Variants in TBC1D22A observed in about 807,000 individuals in gnomAD.
The protein encoded by TBC1D22A is putative GTPase activator.
In TBC1D22A, 38 loss-of-function variants were observed where a neutral mutation model predicts 60.2. The observed-to-expected ratio is 0.63, with a 90% CI of 0.49 to 0.83. The LOEUF (loss-of-function observed/expected upper bound fraction) is 0.83, where lower values mean the gene tolerates loss of function less well. Among genes scored for constraint, TBC1D22A ranks in the 40% least tolerant of loss-of-function variants. The pLI is 0.00. For synonymous variants in TBC1D22A, 302 were observed against 281.7 expected (o/e 1.07, Z -0.72); for missense variants, 628 against 701.0 (o/e 0.90, Z 1.18).
intron 4 of TBC1D22A, among the ~76,000 whole-genome samples, chr22:46,876,638 G>A (rs1284590734): frequency 6.6e-6 from 1 of 152,176 alleles, no homozygotes; most frequent in African/African-American, 2.4e-5. Flanking sequence ...AACTTCCCAA[G>A]AGCCGGGTGG....
At chr22:46,860,987 T>C (rs1661653555) in intron 4 of TBC1D22A, among the ~76,000 whole-genome samples, 1 of 152,182 alleles carries the variant, frequency 6.6e-6, no homozygotes, top group Non-Finnish European at 1.5e-5. Context: ...AAATTAATTT[T>C]TTTTTAAGGC....
chr22:46,777,657 A>G lies in TBC1D22A; in HGVS notation c.62+14809A>G, dbSNP rs767758352. 2.0e-5 allele frequency among the ~76,000 whole-genome samples: 3 copies of G among 152,146 alleles called. No individual in the cohort carries two copies. Among genetic ancestry groups the G allele is most frequent in the Non-Finnish European group, 2.9e-5 (2 of 68,020 alleles). On this transcript the variant is annotated intron_variant, in intron 1 of 12. Coordinates refer to ENST00000337137, the MANE Select transcript of TBC1D22A (RefSeq NM_014346.5). The surrounding 1 kb of genome is among the most constrained non-coding windows in gnomAD (Gnocchi z 4.5). ...CTGGCAGGAGGCAGAGGAGGGAGCA[A>G]GAAGAAAGAGCTCAGTGTGATGAGT...
At chr22:47,020,596 A>C (rs1188073011) in intron 10 of TBC1D22A, among the ~76,000 whole-genome samples, 2 of 151,910 alleles carry the variant, frequency 1.3e-5, no homozygotes, top group African/African-American at 4.9e-5. Flanking sequence ...CTGGGTTTCC[A>C]AGCTGGAGTT....
At chr22:46,829,951 A>G (rs2086238215) in intron 4 of TBC1D22A, among the ~76,000 whole-genome samples, 1 of 152,256 alleles carries the variant, frequency 6.6e-6, no homozygotes, top group South Asian at 2.1e-4. Context: ...ACTAGGCACC[A>G]TGAAAGGAGC....
chr22:47,165,712 G>T (rs953482839), intron 12 of TBC1D22A, among the ~76,000 whole-genome samples: 3 of 152,120 alleles, frequency 2.0e-5, no homozygotes, highest in African/African-American at 7.2e-5. Context: ...GGGGTCAAGA[G>T]AAATGCCCGA....
Position 47,049,772 on chromosome 22 carries a change from T to A in TBC1D22A, c.1329+12574T>A, listed in dbSNP as rs542847698. On this transcript the variant is annotated intron_variant, in intron 11 of 12. Transcript: ENST00000337137. ...CTTAATATTCTGGCCTGTGGATAGA[T>A]CATAGTCTACTTAAATGTGGTGCGT... is the stretch of plus-strand genomic sequence containing the variant. Among the ~76,000 whole-genome samples, 5 of 152,360 alleles carry A rather than the reference T, an allele frequency of 3.3e-5. No individual in the cohort carries two copies. In the South Asian group the frequency reaches 8.3e-4, roughly 25 times the overall value.
In TBC1D22A at chr22:47,173,454, C is replaced by T. The variant is rs113672746; in HGVS notation, c.1426-44C>T. 1,484 of 1,604,278 alleles carry T rather than the reference C, an allele frequency of 9.3e-4. 13 individuals are homozygous for T. The African/African-American group carries it at 0.017, about 19-fold the overall frequency. Reference sequence around the variant, plus strand: ...TTTTCTGGGGTCACCCGCCCTCCACCGTGGGTCACCTCCTCTGACCTGGGC... The same window carrying T: ...TTTTCTGGGGTCACCCGCCCTCCACTGTGGGTCACCTCCTCTGACCTGGGC... On this transcript the variant is annotated intron_variant, in intron 12 of 12. Transcript: ENST00000337137.
intron 10 of TBC1D22A, among the ~76,000 whole-genome samples, chr22:47,010,941 T>G (rs1218721942): frequency 6.6e-6 from 1 of 152,216 alleles, no homozygotes; most frequent in Non-Finnish European, 1.5e-5. Context: ...GGCCTTGGGC[T>G]GCTGCGGGGA....
chr22:46,915,326 G>T (rs1452184167), intron 8 of TBC1D22A: 1 of 445,480 alleles, frequency 2.2e-6, no homozygotes, highest in South Asian at 1.6e-5. Flanking sequence ...AGTTTGCTGG[G>T]TCTTCAAGCC....
chr22:47,132,518 GC>G (rs5845773), intron 12 of TBC1D22A, among the ~76,000 whole-genome samples: 60,554 of 151,950 alleles, frequency 0.4, 12,333 homozygotes, highest in South Asian at 0.54. Context: ...GCACCGCCCC[GC>G]CCTGCTGTCT....
intron 10 of TBC1D22A, among the ~76,000 whole-genome samples, chr22:47,002,727 G>T (rs897749145): frequency 1.3e-5 from 2 of 152,198 alleles, no homozygotes; most frequent in Non-Finnish European, 2.9e-5. Flanking sequence ...CCAGGGCACC[G>T]TTGGATGAGG....
intron 12 of TBC1D22A, among the ~76,000 whole-genome samples, chr22:47,172,825 C>G (rs952233738): frequency 5.3e-5 from 8 of 152,234 alleles, no homozygotes; most frequent in Non-Finnish European, 1.2e-4. Flanking sequence ...CCCCAACCCA[C>G]TGGTGTGAGG....
intron 12 of TBC1D22A, among the ~76,000 whole-genome samples, chr22:47,164,846 A>G (rs1873301227): frequency 6.6e-6 from 1 of 152,326 alleles, no homozygotes; most frequent in East Asian, 1.9e-4. Context: ...TTCATGTTGA[A>G]TATGGATTCA....
intron 10 of TBC1D22A, among the ~76,000 whole-genome samples, chr22:47,019,023 G>C (rs751300908): frequency 1.1e-4 from 16 of 152,166 alleles, no homozygotes; most frequent in Non-Finnish European, 2.1e-4. Context: ...GTCTTATCCA[G>C]CCCCTGTAGT....
Position 47,009,639 on chromosome 22 carries a change from G to A in TBC1D22A, c.1201+11930G>A, listed in dbSNP as rs1027684976. Among the ~76,000 whole-genome samples, 8 of 147,846 alleles carry A rather than the reference G, an allele frequency of 5.4e-5. No homozygotes were observed. In the South Asian group the frequency reaches 8.7e-4, roughly 16 times the overall value. Reference sequence around the variant, plus strand: ...TTACTATCACCATCATTTCATCACCGTCATCATTACCATCATCACCATCAT... The same window carrying A: ...TTACTATCACCATCATTTCATCACCATCATCATTACCATCATCACCATCAT... On this transcript the variant is annotated intron_variant, in intron 10 of 12. Transcript: ENST00000337137. The surrounding 1 kb of genome is among the most constrained non-coding windows in gnomAD (Gnocchi z 5.8).
At chr22:47,128,018 CCT>C (rs2066533768) in intron 12 of TBC1D22A, among the ~76,000 whole-genome samples, 1 of 90,804 alleles carries the variant, frequency 1.1e-5, no homozygotes, top group African/African-American at 4.6e-5. Context: ...ATCCCCCCAT[CCT>C]CCCTCCACCC....
intron 5 of TBC1D22A, among the ~76,000 whole-genome samples, chr22:46,880,516 C>T (rs1168431159): frequency 6.6e-6 from 1 of 152,196 alleles, no homozygotes; most frequent in African/African-American, 2.4e-5. Context: ...GTCCTTTAAC[C>T]ATCATAGCTT....
intron 12 of TBC1D22A, among the ~76,000 whole-genome samples, chr22:47,122,141 T>G (rs1348966743): frequency 6.6e-6 from 1 of 152,150 alleles, no homozygotes; most frequent in Non-Finnish European, 1.5e-5. Context: ...TGAGGGGCAC[T>G]GGGGATGAGG....
At chr22:46,868,151 T>C (rs1457868498) in intron 4 of TBC1D22A, among the ~76,000 whole-genome samples, 1 of 152,188 alleles carries the variant, frequency 6.6e-6, no homozygotes. Context: ...GTCATATTTT[T>C]TACTGTTAAG....
Sources: gnomAD v4.1 joint callset for allele counts (sites outside exome capture counted in the v4.1 genomes callset) on GRCh38, gnomAD v4.1.1 for gene constraint, Gnocchi (gnomAD v3.1) non-coding constraint, MANE v1.5 for transcripts, NCBI Gene and HGNC (gene_info 2026-07-23, HGNC 2026-07-21) for gene names.